The following PCDHGA8 variants were observed in gnomAD, a reference collection of about 807,000 sequenced individuals.
The protein encoded by PCDHGA8 is protocadherin gamma-A8.
PCDHGA8 carries 45 observed loss-of-function variants against 59.2 expected under a neutral mutation model. The ratio of observed to expected loss-of-function variants is 0.76; its 90% CI spans 0.60 to 0.98. The LOEUF (loss-of-function observed/expected upper bound fraction) is 0.98, where lower values mean the gene tolerates loss of function less well. Ranked by LOEUF, PCDHGA8 falls within the 50% of genes least tolerant of loss-of-function variation. PCDHGA8 has a pLI of 0.00. For synonymous variants in PCDHGA8, 531 were observed against 519.0 expected, an observed-to-expected ratio of 1.02 and a Z score of -0.32; for missense variants, 1,257 against 1,196.2, an observed-to-expected ratio of 1.05 and a Z score of -0.75.
In PCDHGA8 at chr5:141,393,227, A is replaced by G. The variant is rs1389818557; in HGVS notation, c.414A>G (p.Leu138=). The G allele has an allele frequency of 6.2e-7, 1 of 1,613,740 alleles. No individual in the cohort carries two copies. Among genetic ancestry groups the G allele is most frequent in the Non-Finnish European group, 8.5e-7 (1 of 1,179,906 alleles). The change falls in exon 1 of 4, where the codon CTA becomes CTG. Residue 138 remains leucine (L), a synonymous_variant. Transcript: ENST00000398604. ...ACCCAAAATTCCAGGTCGAAGATCT[A>G]GAAGTAAAAATTAACGAAATCGCGG... ...DNNPKFQVED[L]EVKINEIAVP...
At chr5:141,443,321 A>AC (rs1175439570) in intron 1 of PCDHGA8, among the ~76,000 whole-genome samples, 1 of 151,616 alleles carries the variant, frequency 6.6e-6, no homozygotes, top group African/African-American at 2.4e-5. Flanking sequence ...TCTCTACAAA[A>AC]AAAAAAAACA....
intron 1 of PCDHGA8, chr5:141,440,995 C>G (rs1425894086): frequency 6.6e-6 from 1 of 152,154 alleles, no homozygotes; most frequent in Non-Finnish European, 1.5e-5. Context: ...GTACCCATAT[C>G]TAGTTTGGCC....
Position 141,491,755 on chromosome 5 carries a change from G to T in PCDHGA8, c.2425-3052G>T, listed in dbSNP as rs1402188587. 3 of 1,582,078 alleles carry T rather than the reference G, an allele frequency of 1.9e-6. No individual in the cohort carries two copies. Among genetic ancestry groups the T allele is most frequent in the Non-Finnish European group, 2.6e-6 (3 of 1,165,458 alleles). On this transcript the variant is annotated intron_variant, in intron 1 of 3. Coordinates refer to ENST00000398604, the MANE Select transcript of PCDHGA8 (RefSeq NM_032088.2). This position sits in a 1 kb window ranked among gnomAD's most constrained non-coding sequence, Gnocchi z 6.9. ...CCCTGGGGGCGGCACTGGAGAAGCC[G>T]CCCGTCCTCATAAGGGATTGAACTT...
chr5:141,491,567 C>T lies in PCDHGA8; in HGVS notation c.2425-3240C>T, dbSNP rs2099721325. On this transcript the variant is annotated intron_variant, in intron 1 of 3. Transcript: ENST00000398604. The surrounding 1 kb of genome is among the most constrained non-coding windows in gnomAD (Gnocchi z 6.9). ...GACTCGCAGAGCCACTGCTACAGGACGTGCTTTTCACCGGCCTCGGACGGC... is the reference window on the plus strand; with the variant it reads ...GACTCGCAGAGCCACTGCTACAGGATGTGCTTTTCACCGGCCTCGGACGGC... 1.9e-6 allele frequency: 3 copies of T among 1,614,004 alleles called. No individual in the cohort carries two copies. The highest frequency in any genetic ancestry group is 2.5e-6 in the Non-Finnish European group (3 of 1,180,034).
intron 1 of PCDHGA8, chr5:141,410,798 T>C: frequency 1.4e-6 from 1 of 712,186 alleles, no homozygotes; most frequent in Non-Finnish European, 2.1e-6. Flanking sequence ...CATAAGTTGC[T>C]CTATCTTTTT....
At position 141,427,408 on chromosome 5, in the gene PCDHGA8, G is replaced by C. The variant is rs975709597; in HGVS notation, c.2424+32171G>C. ...TTCAAAACACATGATAAAGATTCGA[G>C]AGAAAATGGGGAGGTTACATGCCTC... On this transcript the variant is annotated intron_variant, in intron 1 of 3. Coordinates refer to ENST00000398604, the MANE Select transcript of PCDHGA8 (RefSeq NM_032088.2). The C allele has an allele frequency of 1.3e-5, 6 of 463,300 alleles. No homozygotes were observed. In the Admixed American group the frequency reaches 1.4e-4, roughly 11 times the overall value. The allele number at this position is 463,300 out of a possible 1,614,324, so 28.7% of individuals were successfully genotyped here. A position where few individuals can be genotyped will look rare whatever the true frequency, so the allele number is the denominator to read the frequency against.
chr5:141,414,868 G>C, intron 1 of PCDHGA8: 1 of 1,614,216 alleles, frequency 6.2e-7, no homozygotes, highest in Non-Finnish European at 8.5e-7. Flanking sequence ...CAATGCGCCC[G>C]AGATCCTGTA....
chr5:141,447,966 A>C (rs2098556806), intron 1 of PCDHGA8, among the ~76,000 whole-genome samples: 1 of 151,922 alleles, frequency 6.6e-6, no homozygotes, highest in Non-Finnish European at 1.5e-5. Context: ...GACACCTATA[A>C]TCCCAGCTAC....
At chr5:141,407,874 T>C (rs2094995185) in intron 1 of PCDHGA8, 1 of 358,496 alleles carries the variant, frequency 2.8e-6, no homozygotes, top group South Asian at 5.6e-5. Context: ...GAAGAATATA[T>C]ACATTTCGGA....
At chr5:141,492,578 G>A (rs1380328678) in intron 1 of PCDHGA8, among the ~76,000 whole-genome samples, 1 of 152,216 alleles carries the variant, frequency 6.6e-6, no homozygotes, top group Non-Finnish European at 1.5e-5. Flanking sequence ...CGAGGCGCGG[G>A]GCCAGGAGCG....
At chr5:141,504,528 C>T (rs750099460) in intron 2 of PCDHGA8, among the ~76,000 whole-genome samples, 2 of 151,854 alleles carry the variant, frequency 1.3e-5, no homozygotes, top group Non-Finnish European at 2.9e-5. Flanking sequence ...ATATTTTATT[C>T]GTGTCATCAT....
chr5:141,439,042 A>C (rs2098084096), intron 1 of PCDHGA8, among the ~76,000 whole-genome samples: 1 of 151,642 alleles, frequency 6.6e-6, no homozygotes, highest in Non-Finnish European at 1.5e-5. Context: ...TCAGTTCATA[A>C]GATTTCCATA....
At chr5:141,451,365 G>A (rs557753113) in intron 1 of PCDHGA8, among the ~76,000 whole-genome samples, 2 of 152,234 alleles carry the variant, frequency 1.3e-5, no homozygotes, top group South Asian at 4.1e-4. Context: ...GGATGGATCC[G>A]CTTCTAATCT....
At chr5:141,437,150 A>T (rs572721302) in intron 1 of PCDHGA8, among the ~76,000 whole-genome samples, 1 of 152,328 alleles carries the variant, frequency 6.6e-6, no homozygotes, top group East Asian at 1.9e-4. Flanking sequence ...CATAATTAAC[A>T]TATGTGTTGA....
At chr5:141,421,913 T>C in intron 1 of PCDHGA8, 1 of 1,613,710 alleles carries the variant, frequency 6.2e-7, no homozygotes, top group Non-Finnish European at 8.5e-7. Context: ...GCAGTTCCCA[T>C]TCGTGTGGTG....
chr5:141,431,537 C>A lies in PCDHGA8; in HGVS notation c.2424+36300C>A, dbSNP rs2097391571. On this transcript the variant is annotated intron_variant, in intron 1 of 3. Transcript: ENST00000398604. This position sits in a 1 kb window ranked among gnomAD's most constrained non-coding sequence, Gnocchi z 4.8. ...TCCGGAGAATCTGGCCTTGGGCACG[C>A]AGCTGCTTGTAGTCAACGCTACCGA... 6.2e-7 allele frequency: 1 copy of A among 1,614,102 alleles called. No individual in the cohort carries two copies. The highest frequency in any genetic ancestry group is 1.3e-5 in the African/African-American group (1 of 75,072).
chr5:141,408,048 G>C, intron 1 of PCDHGA8: 1 of 1,245,698 alleles, frequency 8.0e-7, no homozygotes, highest in Non-Finnish European at 1.1e-6. Context: ...CTCCCACACA[G>C]AGCCTCCCGG....
At chr5:141,455,208 A>G (rs1450523873) in intron 1 of PCDHGA8, among the ~76,000 whole-genome samples, 1 of 151,996 alleles carries the variant, frequency 6.6e-6, no homozygotes, top group Non-Finnish European at 1.5e-5. Context: ...AACCAATAAG[A>G]GTTTTTAATG....
At chr5:141,510,134 C>T (rs1273076437) in intron 3 of PCDHGA8, among the ~76,000 whole-genome samples, 1 of 152,064 alleles carries the variant, frequency 6.6e-6, no homozygotes, top group East Asian at 1.9e-4. Context: ...ATTAGCTGGG[C>T]TAGTGGTGTG....
Sources: allele counts gnomAD v4.1 joint callset (sites outside exome capture counted in the v4.1 genomes callset), GRCh38; gene constraint gnomAD v4.1.1; non-coding constraint Gnocchi (gnomAD v3.1); transcripts MANE v1.5; gene names NCBI Gene and HGNC (gene_info 2026-07-23, HGNC 2026-07-21).